KCNK3: variants seen among roughly 807,000 people sequenced by gnomAD.
KCNK3 encodes the protein potassium two pore domain channel subfamily K member 3.
A neutral mutation model predicts 27.3 loss-of-function variants in KCNK3; 9 were observed. The observed-to-expected ratio is 0.33, with a 90% CI of 0.20 to 0.57. KCNK3 has a LOEUF of 0.57. Among genes scored for constraint, KCNK3 ranks in the 20% least tolerant of loss-of-function variants. The pLI, the probability that KCNK3 is intolerant of heterozygous loss-of-function variation, is 0.87. For synonymous variants in KCNK3, 278 were observed against 273.8 expected, an observed-to-expected ratio of 1.02 and a Z score of -0.15; for missense variants, 391 against 577.7, an observed-to-expected ratio of 0.68 and a Z score of 3.31.
intron 1 of KCNK3, among the ~76,000 whole-genome samples, chr2:26,724,218 A>G (rs1294156193): frequency 6.6e-6 from 1 of 152,182 alleles, no homozygotes; most frequent in Non-Finnish European, 1.5e-5. Flanking sequence ...TGGGACAGGC[A>G]ATGGGGTGGG....
chr2:26,728,428 G>C lies in KCNK3; in HGVS notation c.1045G>C (p.Gly349Arg). Reference protein sequence around the residue: ...CVEQSHSSPGGGGRYSDTPSR... With the variant: ...CVEQSHSSPGRGGRYSDTPSR... ...GGAGCAGAGCCACTCGTCGCCGGGA[G>C]GGGGCGGCCGCTACAGCGACACGCC... The change falls in exon 2 of 2, where the codon GGG (glycine) becomes CGG (arginine). Residue 349 changes from glycine to arginine, a missense_variant. Physicochemically the swap from Gly to Arg is moderately radical, Grantham distance 125. This residue lies in a region of KCNK3 where 192 missense variants were observed against 196.0 expected (regional missense o/e 0.98). Transcript: ENST00000302909. The C allele has an allele frequency of 6.3e-7, 1 of 1,591,652 alleles. No individual in the cohort carries two copies. The highest frequency in any genetic ancestry group is 8.6e-7 in the Non-Finnish European group (1 of 1,165,944).
intron 1 of KCNK3, among the ~76,000 whole-genome samples, chr2:26,707,965 C>T (rs560263980): frequency 6.6e-6 from 1 of 152,322 alleles, no homozygotes; most frequent in East Asian, 1.9e-4. Context: ...CTCGGCCTCT[C>T]TGAGCATCTT....
At chr2:26,713,061 G>T (rs1351906548) in intron 1 of KCNK3, among the ~76,000 whole-genome samples, 1 of 152,190 alleles carries the variant, frequency 6.6e-6, no homozygotes, top group African/African-American at 2.4e-5. Flanking sequence ...TAGCTTCATG[G>T]ATCTGCTAGT....
At chr2:26,712,232 C>T (rs1663131908) in intron 1 of KCNK3, among the ~76,000 whole-genome samples, 1 of 152,162 alleles carries the variant, frequency 6.6e-6, no homozygotes, top group South Asian at 2.1e-4. Context: ...GGTACTGCCT[C>T]CCTGTCTCCG....
At chr2:26,725,083 G>A (rs574681343) in intron 1 of KCNK3, among the ~76,000 whole-genome samples, 56 of 152,236 alleles carry the variant, frequency 3.7e-4, no homozygotes, top group Non-Finnish European at 5.3e-4. Context: ...GTGGGCCCAG[G>A]GAAGTCACGG....
At chr2:26,696,523 A>G (rs572628702) in intron 1 of KCNK3, among the ~76,000 whole-genome samples, 38 of 152,314 alleles carry the variant, frequency 2.5e-4, no homozygotes, top group African/African-American at 8.2e-4. Flanking sequence ...GGAGGTCAGC[A>G]GGTTCTTTCT....
At chr2:26,699,735 G>C (rs571326581) in intron 1 of KCNK3, among the ~76,000 whole-genome samples, 11 of 152,180 alleles carry the variant, frequency 7.2e-5, no homozygotes, top group Non-Finnish European at 1.5e-4. Context: ...ACGGACAAGT[G>C]TCTGTAACAG....
chr2:26,704,655 G>A (rs188860037), intron 1 of KCNK3, among the ~76,000 whole-genome samples: 168 of 152,344 alleles, frequency 1.1e-3, no homozygotes, highest in African/African-American at 3.7e-3. Context: ...GGGCAGGCCC[G>A]CTCCTCCAGG....
intron 1 of KCNK3, among the ~76,000 whole-genome samples, chr2:26,699,388 G>C (rs1572602014): frequency 6.6e-6 from 1 of 152,140 alleles, no homozygotes; most frequent in Non-Finnish European, 1.5e-5. Flanking sequence ...GGAGCATGGA[G>C]AGAGTGGGGG....
Position 26,728,327 on chromosome 2 carries a change from A to C in KCNK3, c.944A>C (p.Tyr315Ser). 1.9e-6 allele frequency: 3 copies of C among 1,603,988 alleles called. No individual in the cohort carries two copies. The highest frequency in any genetic ancestry group is 2.6e-6 in the Non-Finnish European group (3 of 1,175,570). Reference sequence around the variant, plus strand: ...CAGTCCATGTGCTCGTGCCTGTGGTACAAGAGCCGCGAGAAGCTGCAGTAC... The same window carrying C: ...CAGTCCATGTGCTCGTGCCTGTGGTCCAAGAGCCGCGAGAAGCTGCAGTAC... ...HFQSMCSCLW[Y>S]KSREKLQYSI... The change falls in exon 2 of 2, where the codon TAC becomes TCC. Residue 315 changes from tyrosine to serine, a missense_variant. This residue lies in a region of KCNK3 where 192 missense variants were observed against 196.0 expected (regional missense o/e 0.98). Coordinates refer to ENST00000302909, the MANE Select transcript of KCNK3 (RefSeq NM_002246.3).
chr2:26,722,855 A>C (rs1301755112), intron 1 of KCNK3, among the ~76,000 whole-genome samples: 1 of 152,260 alleles, frequency 6.6e-6, no homozygotes. Flanking sequence ...GTGAGTGAAC[A>C]GAGAAAATAA....
intron 1 of KCNK3, among the ~76,000 whole-genome samples, chr2:26,698,078 T>C (rs576956959): frequency 1.4e-4 from 21 of 152,308 alleles, no homozygotes; most frequent in Middle Eastern, 3.4e-3. Flanking sequence ...TTCCAGTGCC[T>C]GCACTGGTGT....
At chr2:26,705,899 C>T (rs371879289) in intron 1 of KCNK3, among the ~76,000 whole-genome samples, 17 of 152,222 alleles carry the variant, frequency 1.1e-4, no homozygotes, top group South Asian at 4.1e-4. Context: ...TCAGACGGCC[C>T]TTGTGTGCTG....
chr2:26,728,582 C>T lies in KCNK3; in HGVS notation c.*14C>T. ...AGCTCCGTGTGACTGCCCCGAGGGG[C>T]CTGGAGCACCTGGGGGCGCGGGCGG... On this transcript the variant is annotated 3_prime_UTR_variant, in exon 2 of 2. Transcript: ENST00000302909. The T allele has an allele frequency of 2.8e-6, 4 of 1,417,192 alleles. No individual in the cohort carries two copies. Among genetic ancestry groups the T allele is most frequent in the Non-Finnish European group, 3.7e-6 (4 of 1,085,814 alleles). 87.8% of individuals were successfully genotyped at this position (1,417,192 alleles called of 1,614,324 possible). A position where few individuals can be genotyped will look rare whatever the true frequency, so the allele number is the denominator to read the frequency against.
intron 1 of KCNK3, among the ~76,000 whole-genome samples, chr2:26,724,867 C>T (rs951172102): frequency 2.0e-5 from 3 of 151,784 alleles, no homozygotes; most frequent in African/African-American, 2.4e-5. Context: ...AGGAGGGCCA[C>T]GAGGCAGTGT....
intron 1 of KCNK3, among the ~76,000 whole-genome samples, chr2:26,718,471 T>C (rs1176234931): frequency 6.6e-6 from 1 of 152,214 alleles, no homozygotes; most frequent in African/African-American, 2.4e-5. Context: ...ACAAAAGTAA[T>C]AGTTTTTTGT....
Position 26,693,532 on chromosome 2 carries a change from G to T in KCNK3, c.283+374G>T, listed in dbSNP as rs781620425. Among the ~76,000 whole-genome samples the T allele has an allele frequency of 1.4e-4, 22 of 152,190 alleles. No individual in the cohort carries two copies. Among genetic ancestry groups the T allele is most frequent in the Non-Finnish European group, 3.1e-4 (21 of 68,014 alleles). Reference sequence around the variant, plus strand: ...CGCTGAGAGTGAGCGGCGGGAGAGCGCCAGTGCTCCGTATCCCTGAGGATC... The same window carrying T: ...CGCTGAGAGTGAGCGGCGGGAGAGCTCCAGTGCTCCGTATCCCTGAGGATC... On this transcript the variant is annotated intron_variant, in intron 1 of 1. Coordinates refer to ENST00000302909, the MANE Select transcript of KCNK3 (RefSeq NM_002246.3). The surrounding 1 kb of genome is among the most constrained non-coding windows in gnomAD (Gnocchi z 5.5).
chr2:26,725,622 G>T (rs1663402880), intron 1 of KCNK3, among the ~76,000 whole-genome samples: 1 of 152,216 alleles, frequency 6.6e-6, no homozygotes. Flanking sequence ...GGCCCAGCTG[G>T]CGGGCACAAT....
chr2:26,726,104 C>CAGAG (rs1196440174), intron 1 of KCNK3, among the ~76,000 whole-genome samples: 26 of 80,524 alleles, frequency 3.2e-4, no homozygotes, highest in Non-Finnish European at 3.9e-4. Context: ...CACACACACA[C>CAGAG]ACAGAGAGAG....
Sources: gnomAD v4.1 joint callset for allele counts (sites outside exome capture counted in the v4.1 genomes callset) on GRCh38, gnomAD v4.1.1 for gene constraint, gnomAD v4.1.1 regional missense constraint, Gnocchi (gnomAD v3.1) non-coding constraint, MANE v1.5 for transcripts, NCBI Gene and HGNC (gene_info 2026-07-23, HGNC 2026-07-21) for gene names.